Variants in NFIC observed in about 807,000 individuals in gnomAD.
NFIC encodes nuclear factor 1 C-type.
Under a neutral mutation model 54.4 loss-of-function variants are expected in NFIC, and 12 were observed. The ratio of observed to expected loss-of-function variants is 0.22; its 90% CI spans 0.14 to 0.36. NFIC has a LOEUF of 0.36. Among genes scored for constraint, NFIC ranks in the 10% least tolerant of loss-of-function variants. The pLI is 1.00. For synonymous variants in NFIC, 322 were observed against 319.2 expected (o/e 1.01, Z -0.09); for missense variants, 575 against 718.2 (o/e 0.80, Z 2.28).
At position 3,369,236 on chromosome 19, in the gene NFIC, CCT is replaced by C. The variant is rs752624220; in HGVS notation, c.30+2575_30+2576del. Among the ~76,000 whole-genome samples the C allele has an allele frequency of 3.8e-4, 57 of 151,976 alleles. No individual in the cohort carries two copies. The highest frequency in any genetic ancestry group is 5.7e-4 in the Non-Finnish European group (39 of 67,958). On this transcript the variant is annotated intron_variant, in intron 1 of 10. Transcript: ENST00000443272. The surrounding 1 kb of genome is among the most constrained non-coding windows in gnomAD (Gnocchi z 4.3). ...TCTGTCTCTGTCTCTCTGCCCCCTTCCTCTCTGTCTCTGTTTCTCTCCAATAT... is the reference window on the plus strand; with the variant it reads ...TCTGTCTCTGTCTCTCTGCCCCCTTCCTCTGTCTCTGTTTCTCTCCAATAT...
At chr19:3,363,233 A>ATG (rs1455699193), upstream of NFIC, among the ~76,000 whole-genome samples, 2 of 118,316 alleles carry the variant, frequency 1.7e-5, no homozygotes, top group Non-Finnish European at 3.3e-5. Context: ...ATGTATGTGT[A>ATG]TGTGTGTGTA....
chr19:3,373,433 CTCTT>C (rs59339977), intron 1 of NFIC, among the ~76,000 whole-genome samples: 7,738 of 152,112 alleles, frequency 0.051, 566 homozygotes, highest in East Asian at 0.29. Context: ...CCCCTCCTCT[CTCTT>C]TCCCCCTTGC....
chr19:3,453,817 C>G lies in NFIC; in HGVS notation c.1324C>G (p.Leu442Val). 1 of 1,602,586 alleles carries G rather than the reference C, an allele frequency of 6.2e-7. No individual in the cohort carries two copies. Among genetic ancestry groups the G allele is most frequent in the Non-Finnish European group, 8.5e-7 (1 of 1,175,134 alleles). The part of the protein sequence containing the change: ...MPSHCLSAQM[L>V]APPPPGLPRL... ...CAGCCACTGCCTTTCTGCTCAGATG[C>G]TGGCACCTCCGCCCCCGGGGCTGCC... The change falls in exon 9 of 11, where the codon CTG (leucine) becomes GTG (valine). Residue 442 changes from leucine (L) to valine (V), a missense_variant. Leu to Val is a conservative substitution (Grantham distance 32). Around this residue, in one of 3 missense-constraint regions of NFIC, gnomAD observed 447 missense variants for 526.9 expected, o/e 0.85. Coordinates refer to ENST00000443272, the MANE Select transcript of NFIC (RefSeq NM_001245002.2). This position sits in a 1 kb window ranked among gnomAD's most constrained non-coding sequence, Gnocchi z 6.7.
At chr19:3,417,859 C>T (rs2081890615) in intron 2 of NFIC, among the ~76,000 whole-genome samples, 1 of 147,938 alleles carries the variant, frequency 6.8e-6, no homozygotes, top group Non-Finnish European at 1.5e-5. Context: ...AGGATGGTCT[C>T]GATCTCCTGA....
At chr19:3,427,996 C>T (rs1474714056) in intron 3 of NFIC, among the ~76,000 whole-genome samples, 1 of 150,806 alleles carries the variant, frequency 6.6e-6, no homozygotes, top group African/African-American at 2.4e-5. Flanking sequence ...ATGGAGAAAC[C>T]CTGTCTCTAC....
chr19:3,446,585 A>G (rs2145667043), intron 6 of NFIC, among the ~76,000 whole-genome samples: 1 of 152,360 alleles, frequency 6.6e-6, no homozygotes, highest in South Asian at 2.1e-4. Flanking sequence ...TGGTCTCAGT[A>G]GATATGTTTT....
intron 9 of NFIC, 33 bp from the exon 10 acceptor site, chr19:3,456,517 C>A (rs2082559245): frequency 6.5e-7 from 1 of 1,548,462 alleles, no homozygotes; most frequent in Non-Finnish European, 8.7e-7. Context: ...CAACCCCTCG[C>A]TAACGGGCTC....
chr19:3,366,427 G>A (rs2080883692), upstream of NFIC: 4 of 490,194 alleles, frequency 8.2e-6, no homozygotes, highest in Non-Finnish European at 1.4e-5. Context: ...GAGACGGAGG[G>A]AGAGAGGGAC....
chr19:3,394,366 G>C (rs1391971633), intron 2 of NFIC, among the ~76,000 whole-genome samples: 1 of 151,994 alleles, frequency 6.6e-6, no homozygotes, highest in East Asian at 1.9e-4. Context: ...TGCGGTCCCA[G>C]CTACTCAGGA....
In NFIC at chr19:3,381,903, G is replaced by C; in HGVS notation, c.222G>C (p.Ser74=). 6.2e-7 allele frequency: 1 copy of C among 1,613,800 alleles called. No homozygotes were observed. The highest frequency in any genetic ancestry group is 8.5e-7 in the Non-Finnish European group (1 of 1,179,946). ...CCGAGGTCAAGCAGAAGTGGGCGTC[G>C]CGGCTGCTGGCCAAGCTGCGCAAGG... ...EKPEVKQKWA[S]RLLAKLRKDI... Residue 74 remains serine, a synonymous_variant, in exon 2 of 11, where the codon TCG becomes TCC. Transcript: ENST00000443272.
rs1268143462 is a variant in NFIC, at chr19:3,459,976, C to T, written c.1510-2776C>T. Among the ~76,000 whole-genome samples the T allele has an allele frequency of 6.6e-6, 1 of 152,208 alleles. No individual in the cohort carries two copies. Among genetic ancestry groups the T allele is most frequent in the Non-Finnish European group, 1.5e-5 (1 of 68,028 alleles). On this transcript the variant is annotated intron_variant, in intron 10 of 10. Coordinates refer to ENST00000443272, the MANE Select transcript of NFIC (RefSeq NM_001245002.2). This position sits in a 1 kb window ranked among gnomAD's most constrained non-coding sequence, Gnocchi z 4.2. ...AGAGGCACAGCCCTCCCCTCACAGT[C>T]CACCCTGGATGCTCCATCTGGGGTT... is the stretch of plus-strand genomic sequence containing the variant.
Position 3,463,744 on chromosome 19 carries a change from A to G in NFIC, c.*975A>G. The G allele has an allele frequency of 1.0e-6, 1 of 983,638 alleles. No homozygotes were observed. The highest frequency in any genetic ancestry group is 1.2e-6 in the Non-Finnish European group (1 of 829,812). 60.9% of individuals were successfully genotyped at this position (983,638 alleles called of 1,614,324 possible). On this transcript the variant is annotated 3_prime_UTR_variant, in exon 11 of 11. Coordinates refer to ENST00000443272, the MANE Select transcript of NFIC (RefSeq NM_001245002.2). ...CACTTTCCGAGGAAGGGGATGGGGG[A>G]GCCCGGACACCCAGAGCTCCCCGAG...
intron 6 of NFIC, among the ~76,000 whole-genome samples, chr19:3,438,422 A>G (rs1253939642): frequency 1.8e-4 from 24 of 136,460 alleles, no homozygotes; most frequent in Admixed American, 1.1e-3. Context: ...CTCCCTCCTG[A>G]GGGTTTCTTT....
At chr19:3,447,562 GAAGGCATCCTC>G (rs1322996980) in intron 6 of NFIC, among the ~76,000 whole-genome samples, 2 of 152,222 alleles carry the variant, frequency 1.3e-5, no homozygotes, top group Non-Finnish European at 2.9e-5. Flanking sequence ...AAGCAGGGCT[GAAGGCATCCTC>G]AGAGAATGCC....
rs576407182 is a variant in NFIC at position 3,419,431 on chromosome 19, G to A, written c.563-5675G>A. ...CCAGGCTGCAGTGAGCCATGATTGTGCCACTGCACTGCAGCCTGGGTGACA... is the reference window on the plus strand; with the variant it reads ...CCAGGCTGCAGTGAGCCATGATTGTACCACTGCACTGCAGCCTGGGTGACA... On this transcript the variant is annotated intron_variant, in intron 2 of 10. Transcript: ENST00000443272. Among the ~76,000 whole-genome samples, 15 of 151,920 alleles carry A rather than the reference G, an allele frequency of 9.9e-5. 1 individual carries two copies. Among genetic ancestry groups the A allele is most frequent in the African/African-American group, 3.6e-4 (15 of 41,408 alleles).
chr19:3,402,880 G>A (rs4353573), intron 2 of NFIC, among the ~76,000 whole-genome samples: 17,825 of 152,200 alleles, frequency 0.12, 1,197 homozygotes, highest in African/African-American at 0.17. Flanking sequence ...GTGAGTGAGG[G>A]GGAGAGAGGG....
chr19:3,383,394 G>T (rs2081244099), intron 2 of NFIC, among the ~76,000 whole-genome samples: 1 of 152,154 alleles, frequency 6.6e-6, no homozygotes, highest in Non-Finnish European at 1.5e-5. Context: ...TGCCCCAGGG[G>T]TCCTGGCAGG....
At position 3,453,667 on chromosome 19, in the gene NFIC, G is replaced by A. The variant is rs2082503664; in HGVS notation, c.1270-96G>A. On this transcript the variant is annotated intron_variant, in intron 8 of 10. Coordinates refer to ENST00000443272, the MANE Select transcript of NFIC (RefSeq NM_001245002.2). The surrounding 1 kb of genome is among the most constrained non-coding windows in gnomAD (Gnocchi z 6.7). Reference sequence around the variant, plus strand: ...CCCTGGCCCCCCAGCCTGCCACCCCGTCCGGGCCGTGCACAGAGCCGGGGG... The same window carrying A: ...CCCTGGCCCCCCAGCCTGCCACCCCATCCGGGCCGTGCACAGAGCCGGGGG... 16 of 1,467,526 alleles carry A rather than the reference G, an allele frequency of 1.1e-5. No individual in the cohort carries two copies. Among genetic ancestry groups the A allele is most frequent in the African/African-American group, 1.5e-5 (1 of 67,540 alleles). 90.9% of individuals were successfully genotyped at this position (1,467,526 alleles called of 1,614,324 possible). A position where few individuals can be genotyped will look rare whatever the true frequency, so the allele number is the denominator to read the frequency against.
In NFIC at chr19:3,464,358, C is replaced by T; in HGVS notation, c.*1589C>T. ...ATCTGCTAAGCGTTTTTCCGTTGAG[C>T]CGCTCCAAAAACACTAAGCTGGGGA... On this transcript the variant is annotated 3_prime_UTR_variant, in exon 11 of 11. Transcript: ENST00000443272. The T allele has an allele frequency of 3.0e-6, 3 of 985,192 alleles. No individual in the cohort carries two copies. The highest frequency in any genetic ancestry group is 3.6e-6 in the Non-Finnish European group (3 of 829,844). 61.0% of individuals were successfully genotyped at this position (985,192 alleles called of 1,614,324 possible).
Sources: allele counts gnomAD v4.1 joint callset (sites outside exome capture counted in the v4.1 genomes callset), GRCh38; gene constraint gnomAD v4.1.1; regional missense constraint gnomAD v4.1.1; non-coding constraint Gnocchi (gnomAD v3.1); transcripts MANE v1.5; gene names NCBI Gene and HGNC (gene_info 2026-07-23, HGNC 2026-07-21).